The following RPTOR variants were observed in gnomAD, a reference collection of about 807,000 sequenced individuals.
The protein encoded by RPTOR is regulatory-associated protein of mTOR.
RPTOR carries 21 observed loss-of-function variants against 169.9 expected under a neutral mutation model. The ratio of observed to expected loss-of-function variants is 0.12; its 90% CI spans 0.09 to 0.18. The LOEUF (loss-of-function observed/expected upper bound fraction) is 0.18. RPTOR is among the 10% of genes least tolerant of loss of function. The probability of loss-of-function intolerance (pLI) is 1.00; values close to 1 mark genes in which losing one functional copy is unlikely to be tolerated. For synonymous variants in RPTOR, 732 were observed against 753.2 expected, an observed-to-expected ratio of 0.97 and a Z score of 0.46; for missense variants, 1,133 against 1,855.9, an observed-to-expected ratio of 0.61 and a Z score of 7.16.
chr17:80,813,175 G>T (rs1338423555), intron 7 of RPTOR, among the ~76,000 whole-genome samples: 1 of 152,176 alleles, frequency 6.6e-6, no homozygotes, highest in Non-Finnish European at 1.5e-5. Context: ...TCTGTAAATG[G>T]CTATAATATT....
intron 14 of RPTOR, 120 bp downstream of exon 14, chr17:80,880,609 C>T: frequency 1.1e-6 from 1 of 880,438 alleles, no homozygotes. Context: ...AGGGTCACAG[C>T]AGGGGCCACG....
At chr17:80,757,214 C>T (rs1396116217) in intron 6 of RPTOR, among the ~76,000 whole-genome samples, 1 of 152,104 alleles carries the variant, frequency 6.6e-6, no homozygotes, top group Non-Finnish European at 1.5e-5. Context: ...CTGAAGATCT[C>T]GGAAATGCAC....
chr17:80,816,816 A>G lies in RPTOR; in HGVS notation c.891-5385A>G, dbSNP rs536986982. 4.6e-5 allele frequency among the ~76,000 whole-genome samples: 7 copies of G among 152,308 alleles called. No individual in the cohort carries two copies. The East Asian group carries it at 1.4e-3, about 29-fold the overall frequency. On this transcript the variant is annotated intron_variant, in intron 7 of 33. Transcript: ENST00000306801. ...TAGCTAGTGCCAGCTTCAGGGCCACATGGGTTTTCCCCAGGGTAGACAGGC... is the reference window on the plus strand; with the variant it reads ...TAGCTAGTGCCAGCTTCAGGGCCACGTGGGTTTTCCCCAGGGTAGACAGGC...
chr17:80,896,025 A>T (rs1300953535), intron 20 of RPTOR, among the ~76,000 whole-genome samples: 1 of 151,908 alleles, frequency 6.6e-6, no homozygotes. Context: ...TTAATCTTTT[A>T]GTTTCTCTTT....
chr17:80,665,464 TTTCC>T lies in RPTOR; in HGVS notation c.348+21657_348+21660del, dbSNP rs2065765795. Among the ~76,000 whole-genome samples, 9 of 34,528 alleles carry T rather than the reference TTTCC, an allele frequency of 2.6e-4. 2 individuals are homozygous for T. The highest frequency in any genetic ancestry group is 2.6e-3 in the African/African-American group (9 of 3,484). 22.7% of individuals were successfully genotyped at this position (34,528 alleles called of 152,430 possible). A position where few individuals can be genotyped will look rare whatever the true frequency, so the allele number is the denominator to read the frequency against. On this transcript the variant is annotated intron_variant, in intron 3 of 33. Transcript: ENST00000306801. ...TTTCCTTTCCTTTCCTTTCCTTTCC[TTTCC>T]TTTCCTTTCCTTTCCTTTCCTTTCC... is the stretch of plus-strand genomic sequence containing the variant.
chr17:80,736,907 C>T (rs185310393), intron 5 of RPTOR, among the ~76,000 whole-genome samples: 32 of 152,354 alleles, frequency 2.1e-4, no homozygotes, highest in African/African-American at 7.0e-4. Context: ...GCCGATTCCA[C>T]AGGAGCTCAG....
chr17:80,700,784 ATGG>A (rs202174182), intron 3 of RPTOR, among the ~76,000 whole-genome samples: 5 of 19,620 alleles, frequency 2.5e-4, no homozygotes, highest in African/African-American at 1.1e-3. Context: ...AGAGATGATG[ATGG>A]TGGTGGTGGT....
intron 1 of RPTOR, among the ~76,000 whole-genome samples, chr17:80,618,229 C>T (rs576533143): frequency 5.3e-5 from 8 of 152,106 alleles, no homozygotes; most frequent in African/African-American, 9.7e-5. Flanking sequence ...TCAGGTGATC[C>T]GCCAGGCTTG....
chr17:80,804,435 A>G (rs2067196804), intron 7 of RPTOR: 1 of 152,212 alleles, frequency 6.6e-6, no homozygotes, highest in Non-Finnish European at 1.5e-5. Flanking sequence ...GCCTCCCCGA[A>G]ATATGAAGAA....
At chr17:80,751,258 TTG>T (rs2066627595) in intron 5 of RPTOR, among the ~76,000 whole-genome samples, 1 of 152,148 alleles carries the variant, frequency 6.6e-6, no homozygotes, top group Non-Finnish European at 1.5e-5. Flanking sequence ...TCGTAGGTGC[TTG>T]GTGGAGATTC....
Position 80,844,930 on chromosome 17 carries a change from A to T in RPTOR, c.1213-1543A>T, listed in dbSNP as rs1027686713. On this transcript the variant is annotated intron_variant, in intron 10 of 33. Transcript: ENST00000306801. The surrounding 1 kb of genome is among the most constrained non-coding windows in gnomAD (Gnocchi z 4.7). ...CCTTCCCCCCGAGCAAAATCAAACA[A>T]CGTAGGGAAGAGAGGATAGTGGATG... is the stretch of plus-strand genomic sequence containing the variant. Among the ~76,000 whole-genome samples, 2 of 150,634 alleles carry T rather than the reference A, an allele frequency of 1.3e-5. No homozygotes were observed. The highest frequency in any genetic ancestry group is 1.3e-4 in the Admixed American group (2 of 15,162).
chr17:80,702,238 G>C (rs1176921709), intron 3 of RPTOR, among the ~76,000 whole-genome samples: 1 of 151,656 alleles, frequency 6.6e-6, no homozygotes, highest in Admixed American at 6.6e-5. Flanking sequence ...GTTTTGTTTT[G>C]TTTTTTGTTT....
At chr17:80,718,517 C>CAGAG (rs1185753821) in intron 4 of RPTOR, among the ~76,000 whole-genome samples, 1 of 151,614 alleles carries the variant, frequency 6.6e-6, no homozygotes, top group African/African-American at 2.4e-5. Flanking sequence ...TTGGCCCCTT[C>CAGAG]AGAGAGAGAG....
intron 1 of RPTOR, among the ~76,000 whole-genome samples, chr17:80,583,456 G>A (rs1177244900): frequency 1.3e-5 from 2 of 152,166 alleles, no homozygotes; most frequent in African/African-American, 4.8e-5. Context: ...CTCCCAAAGT[G>A]CCGGGATTAT....
At chr17:80,867,869 C>A (rs892936471) in intron 13 of RPTOR, among the ~76,000 whole-genome samples, 8 of 152,086 alleles carry the variant, frequency 5.3e-5, no homozygotes, top group African/African-American at 1.7e-4. Context: ...TGAAGGAAGA[C>A]CTAAATAAAT....
At chr17:80,610,850 T>C (rs1198375747) in intron 1 of RPTOR, among the ~76,000 whole-genome samples, 1 of 152,236 alleles carries the variant, frequency 6.6e-6, no homozygotes, top group Non-Finnish European at 1.5e-5. Flanking sequence ...GACACCAATT[T>C]AGCATGAAGG....
intron 4 of RPTOR, among the ~76,000 whole-genome samples, chr17:80,725,023 G>T (rs924128393): frequency 1.3e-5 from 2 of 152,158 alleles, no homozygotes; most frequent in African/African-American, 4.8e-5. Flanking sequence ...GGGGTTTTGC[G>T]TTTTGTCTTC....
In RPTOR at chr17:80,795,801, G is replaced by A. The variant is rs1387656616; in HGVS notation, c.890+4292G>A. Among the ~76,000 whole-genome samples the A allele has an allele frequency of 2.6e-5, 4 of 152,056 alleles. No homozygotes were observed. The South Asian group carries it at 6.2e-4, about 24-fold the overall frequency. On this transcript the variant is annotated intron_variant, in intron 7 of 33. Transcript: ENST00000306801. ...GAATGGACACCACTCGGCTCTCATCGGGCAGCAGCAGTGCCGAGGGCATCA... is the reference window on the plus strand; with the variant it reads ...GAATGGACACCACTCGGCTCTCATCAGGCAGCAGCAGTGCCGAGGGCATCA...
At chr17:80,728,446 G>GGTGGGTGTGTGTGTGTGT (rs1555612017) in intron 4 of RPTOR, among the ~76,000 whole-genome samples, 25 of 148,280 alleles carry the variant, frequency 1.7e-4, no homozygotes, top group African/African-American at 6.2e-4. Flanking sequence ...TCCACTCTGG[G>GGTGGGTGTGTGTGTGTGT]GTGTGTGTGT....
Sources: allele counts gnomAD v4.1 joint callset (sites outside exome capture counted in the v4.1 genomes callset), GRCh38; gene constraint gnomAD v4.1.1; non-coding constraint Gnocchi (gnomAD v3.1); transcripts MANE v1.5; gene names NCBI Gene and HGNC (gene_info 2026-07-23, HGNC 2026-07-21).